The following CLEC4G variants were observed in gnomAD, a reference collection of about 807,000 sequenced individuals.
CLEC4G encodes C-type lectin domain family 4 member G, also known as C-type lectin superfamily 4, member G.
CLEC4G carries 34 observed loss-of-function variants against 37.0 expected under a neutral mutation model. The observed-to-expected ratio is 0.92, with a 90% CI of 0.70 to 1.22. The LOEUF (loss-of-function observed/expected upper bound fraction) is 1.22, where lower values mean the gene tolerates loss of function less well. Among genes scored for constraint, CLEC4G ranks in the 50% most tolerant of loss-of-function variants. CLEC4G has a pLI of 0.00. For synonymous variants in CLEC4G, 167 were observed against 165.6 expected (o/e 1.01, Z -0.06); for missense variants, 390 against 392.9 (o/e 0.99, Z 0.06).
chr19:7,731,902 T>C, intron 1 of CLEC4G, 131 bp from the exon 2 acceptor site: 2 of 1,520,114 alleles, frequency 1.3e-6, no homozygotes, highest in South Asian at 1.2e-5. Flanking sequence ...AGCGGCAGAG[T>C]TGGAATTGGA....
At position 7,729,740 on chromosome 19, in the gene CLEC4G, T is replaced by C. The variant is rs952249823; in HGVS notation, c.743+81A>G. On this transcript the variant is annotated intron_variant, in intron 8 of 8. Coordinates refer to ENST00000328853, the MANE Select transcript of CLEC4G (RefSeq NM_198492.4). Reference sequence around the variant, plus strand: ...TAAGTATGGAGCCCCAGCCGAGGGGTCCCTGAGATCTAGCCAAAGCATGTC... The same window carrying C: ...TAAGTATGGAGCCCCAGCCGAGGGGCCCCTGAGATCTAGCCAAAGCATGTC... 3.2e-6 allele frequency: 5 copies of C among 1,570,514 alleles called. No homozygotes were observed. In the South Asian group the frequency reaches 5.9e-5, roughly 19 times the overall value.
intron 1 of CLEC4G, 96 bp downstream of exon 1, chr19:7,731,952 T>A: frequency 6.9e-7 from 1 of 1,455,898 alleles, no homozygotes; most frequent in Non-Finnish European, 9.6e-7. Context: ...GTGTCTCTCC[T>A]GCACCCACAA....
chr19:7,731,290 C>G lies in CLEC4G; in HGVS notation c.196G>C (p.Gly66Arg). ...ASTERAALLD[G>R]HDLLRTNASK... is the part of the protein sequence containing the mutation. ...CCGTTTGTCCTCAGCAGGTCGTGGC[C>G]GTCAAGCAGCGCCGCGCGCTCCGTG... The change falls in exon 3 of 9, where the codon GGC becomes CGC. Residue 66 changes from glycine to arginine, a missense_variant. Coordinates refer to ENST00000328853, the MANE Select transcript of CLEC4G (RefSeq NM_198492.4). The G allele has an allele frequency of 3.1e-6, 5 of 1,587,326 alleles. No homozygotes were observed. Among genetic ancestry groups the G allele is most frequent in the South Asian group, 1.1e-5 (1 of 87,936 alleles).
chr19:7,731,358 G>A (rs780424551), intron 2 of CLEC4G, 39 bp from the exon 3 acceptor site: 8 of 1,544,338 alleles, frequency 5.2e-6, no homozygotes, highest in Non-Finnish European at 7.0e-6. Flanking sequence ...CCGGGAACTC[G>A]GGAATCCTCC....
At chr19:7,731,977 G>C (rs573231826) in intron 1 of CLEC4G, 71 bp downstream of exon 1, 13 of 1,464,686 alleles carry the variant, frequency 8.9e-6, no homozygotes, top group South Asian at 8.0e-5. Context: ...GGCCTGTCTC[G>C]ACTCTTCCCT....
At chr19:7,731,914 C>A in intron 1 of CLEC4G, 134 bp downstream of exon 1, 3 of 1,509,954 alleles carry the variant, frequency 2.0e-6, no homozygotes, top group Non-Finnish European at 2.7e-6. Flanking sequence ...GGAATTGGAC[C>A]CTGGTCCAAC....
At position 7,729,322 on chromosome 19, in the gene CLEC4G, TACG is replaced by T; in HGVS notation, c.*41_*43del. On this transcript the variant is annotated 3_prime_UTR_variant, in exon 9 of 9. Coordinates refer to ENST00000328853, the MANE Select transcript of CLEC4G (RefSeq NM_198492.4). ...CCAGGGAGGTGAGCAGCCCCCAGGATACGACATGCTGCAATGGGCGCGGCTCCA... is the reference window on the plus strand; with the variant it reads ...CCAGGGAGGTGAGCAGCCCCCAGGATACATGCTGCAATGGGCGCGGCTCCA... The T allele has an allele frequency of 7.2e-7, 1 of 1,393,056 alleles. No homozygotes were observed. The highest frequency in any genetic ancestry group is 1.0e-6 in the Non-Finnish European group (1 of 983,440). The allele number at this position is 1,393,056 out of a possible 1,614,324, so 86.3% of individuals were successfully genotyped here.
intron 8 of CLEC4G, 23 bp downstream of exon 8, chr19:7,729,798 C>G (rs1444549011): frequency 5.0e-6 from 8 of 1,613,412 alleles, no homozygotes; most frequent in Admixed American, 3.3e-5. Context: ...CTCCCCAGGT[C>G]TCACCAGGAG....
In CLEC4G at chr19:7,730,330, C is replaced by T; in HGVS notation, c.478+21G>A. On this transcript the variant is annotated intron_variant, in intron 6 of 8. Transcript: ENST00000328853. This position sits in a 1 kb window ranked among gnomAD's most constrained non-coding sequence, Gnocchi z 7.3. The stretch of plus-strand genomic sequence containing the variant: ...CCGCTTACGCCCTCACAGCCCGCCC[C>T]CGACCCCCCGTCTCGCTCACTGTTC... 1.3e-6 allele frequency: 2 copies of T among 1,536,114 alleles called. No individual in the cohort carries two copies. Among genetic ancestry groups the T allele is most frequent in the Non-Finnish European group, 1.8e-6 (2 of 1,121,834 alleles).
Position 7,730,016 on chromosome 19 carries a change from CA to C in CLEC4G, c.627+2del, listed in dbSNP as rs2033402954. 6.3e-7 allele frequency: 1 copy of C among 1,596,336 alleles called. No individual in the cohort carries two copies. Among genetic ancestry groups the C allele is most frequent in the Admixed American group, 1.7e-5 (1 of 58,062 alleles). On this transcript the variant is annotated splice_donor_variant, in intron 7 of 8. Coordinates refer to ENST00000328853, the MANE Select transcript of CLEC4G (RefSeq NM_198492.4). LOFTEE classifies it high-confidence loss of function. The surrounding 1 kb of genome is among the most constrained non-coding windows in gnomAD (Gnocchi z 7.3). ...CCTGACCACGCCCCCTCCCCCTGCG[CA>C]CCTGCTCATCCAGGCCCCCAACGAT...
At chr19:7,731,452 G>T (rs897044178) in intron 2 of CLEC4G, 133 bp from the exon 3 acceptor site, 4 of 1,479,764 alleles carry the variant, frequency 2.7e-6, no homozygotes, top group Non-Finnish European at 3.6e-6. Flanking sequence ...GTGCACACAC[G>T]CCGATGGGAG....
chr19:7,731,599 A>T, intron 2 of CLEC4G, 62 bp downstream of exon 2: 1 of 1,586,740 alleles, frequency 6.3e-7, no homozygotes, highest in South Asian at 1.1e-5. Context: ...TGCGCCATGC[A>T]GTGGGGGTTT....
At position 7,729,567 on chromosome 19, in the gene CLEC4G, G is replaced by A. The variant is rs944765054; in HGVS notation, c.744-63C>T. ...AGACAGAGGATGAACTCGGGGTCCC[G>A]CCTTCCTCTTCAGGCTCTAGCCTGT... is the stretch of plus-strand genomic sequence containing the variant. On this transcript the variant is annotated intron_variant, in intron 8 of 8. Transcript: ENST00000328853. 54 of 1,346,374 alleles carry A rather than the reference G, an allele frequency of 4.0e-5. No homozygotes were observed. The South Asian group carries it at 6.1e-4, about 15-fold the overall frequency. The allele number at this position is 1,346,374 out of a possible 1,614,324, so 83.4% of individuals were successfully genotyped here.
chr19:7,731,842 A>G, intron 1 of CLEC4G, 71 bp from the exon 2 acceptor site: 1 of 1,553,928 alleles, frequency 6.4e-7, no homozygotes, highest in Non-Finnish European at 8.7e-7. Flanking sequence ...CTCCCAGGAA[A>G]CTGAGATTCA....
At position 7,731,065 on chromosome 19, in the gene CLEC4G, C is replaced by T. The variant is rs757092474; in HGVS notation, c.244G>A (p.Gly82Ser). 3 of 1,606,072 alleles carry T rather than the reference C, an allele frequency of 1.9e-6. No homozygotes were observed. In the Admixed American group the frequency reaches 5.0e-5, roughly 27 times the overall value. ...TCTCCGACCTCCTCCTTCAGGGCAC[C>T]CAGCGCCGCCGTCTGCTTCGAGGCT... ...TNASKQTAALGALKEEVGDCH... is the reference protein window; with the variant it reads ...TNASKQTAALSALKEEVGDCH... Residue 82 changes from glycine (G) to serine (S), a missense_variant, in exon 4 of 9, where the codon GGT (glycine) becomes AGT (serine). By Grantham distance (56) the Gly-to-Ser change is moderately conservative. Transcript: ENST00000328853.
chr19:7,729,699 C>T, intron 8 of CLEC4G, 122 bp downstream of exon 8: 1 of 1,496,220 alleles, frequency 6.7e-7, no homozygotes. Context: ...TTCCTGGGGT[C>T]CAGCCTGCCC....
At position 7,729,041 on chromosome 19, in the gene CLEC4G, C is replaced by A; in HGVS notation, c.*325G>T. The A allele has an allele frequency of 4.7e-6, 2 of 427,002 alleles. No homozygotes were observed. The highest frequency in any genetic ancestry group is 4.5e-6 in the Non-Finnish European group (1 of 224,462). The allele number at this position is 427,002 out of a possible 1,614,324, so 26.5% of individuals were successfully genotyped here. On this transcript the variant is annotated 3_prime_UTR_variant, in exon 9 of 9. Transcript: ENST00000328853. ...AGTTTGGTGGAAAATGCGAGAAAACCAAACAGCTCCAGTCCTCAGTCACCT... is the reference window on the plus strand; with the variant it reads ...AGTTTGGTGGAAAATGCGAGAAAACAAAACAGCTCCAGTCCTCAGTCACCT...
Position 7,730,648 on chromosome 19 carries a change from G to A in CLEC4G, c.388+107C>T, listed in dbSNP as rs1254091698. 7.5e-6 allele frequency: 11 copies of A among 1,457,442 alleles called. No homozygotes were observed. The highest frequency in any genetic ancestry group is 2.8e-5 in the South Asian group (2 of 72,092). The allele number at this position is 1,457,442 out of a possible 1,614,324, so 90.3% of individuals were successfully genotyped here. A position where few individuals can be genotyped will look rare whatever the true frequency, so the allele number is the denominator to read the frequency against. ...CAGTCAAGGTCAGAGTGCAGCGTCA[G>A]GGTCAGGACGGGGTGCATGATCGGG... On this transcript the variant is annotated intron_variant, in intron 5 of 8. Transcript: ENST00000328853. This position sits in a 1 kb window ranked among gnomAD's most constrained non-coding sequence, Gnocchi z 7.3.
chr19:7,731,526 C>A, intron 2 of CLEC4G, 135 bp downstream of exon 2: 1 of 1,463,610 alleles, frequency 6.8e-7, no homozygotes, highest in Non-Finnish European at 9.2e-7. Context: ...GTGCACACGG[C>A]CCAAAGATGT....
Sources: allele counts gnomAD v4.1 joint callset, GRCh38; gene constraint gnomAD v4.1.1; non-coding constraint Gnocchi (gnomAD v3.1); transcripts MANE v1.5; gene names NCBI Gene and HGNC (gene_info 2026-07-23, HGNC 2026-07-21).